The following CCDC102B variants were observed in gnomAD, a reference collection of about 807,000 sequenced individuals.
CCDC102B encodes coiled-coil domain containing 102B.
A neutral mutation model predicts 57.4 loss-of-function variants in CCDC102B; 75 were observed. The ratio of observed to expected loss-of-function variants is 1.31; its 90% CI spans 1.08 to 1.58. The LOEUF (loss-of-function observed/expected upper bound fraction) is 1.58. Ranked by LOEUF, CCDC102B falls within the 40% of genes most tolerant of loss-of-function variation. CCDC102B has a pLI of 0.00. For missense variants in CCDC102B, 636 were observed against 582.6 expected, an observed-to-expected ratio of 1.09 and a Z score of -0.94; for synonymous variants, 206 against 201.9, an observed-to-expected ratio of 1.02 and a Z score of -0.17.
At chr18:68,937,967 A>G (rs1187747474) in intron 6 of CCDC102B, among the ~76,000 whole-genome samples, 20 of 152,080 alleles carry the variant, frequency 1.3e-4, no homozygotes, top group Admixed American at 8.5e-4. Flanking sequence ...ATAGTATTCC[A>G]TGGTATATAT....
chr18:68,913,260 C>G (rs1015966694), intron 6 of CCDC102B, among the ~76,000 whole-genome samples: 1 of 150,276 alleles, frequency 6.7e-6, no homozygotes, highest in Non-Finnish European at 1.5e-5. Flanking sequence ...AGAATCATCT[C>G]TTTGCTTTTT....
chr18:68,952,446 A>T (rs1379230959), intron 6 of CCDC102B, among the ~76,000 whole-genome samples: 2 of 152,138 alleles, frequency 1.3e-5, no homozygotes, highest in African/African-American at 4.8e-5. Context: ...ATTGGCAAGA[A>T]TGAGAAGAAA....
At chr18:68,760,243 A>G (rs1383831240) in intron 2 of CCDC102B, among the ~76,000 whole-genome samples, 1 of 152,118 alleles carries the variant, frequency 6.6e-6, no homozygotes, top group African/African-American at 2.4e-5. Flanking sequence ...GGCACAAATT[A>G]AAGTAAAAAT....
Position 68,836,882 on chromosome 18 carries a change from G to A in CCDC102B, c.119G>A (p.Cys40Tyr), listed in dbSNP as rs200430842. Residue 40 changes from cysteine (C) to tyrosine (Y), a missense_variant, in exon 2 of 8, where the codon TGT (cysteine) becomes TAT (tyrosine). Coordinates refer to ENST00000360242, the MANE Select transcript of CCDC102B (RefSeq NM_024781.3). ...VAPASPPRDT[C>Y]NTCFPLHGLQ... ...CCTGCCTCACCCCCCAGGGATACCT[G>A]TAATACCTGCTTCCCACTTCATGGG... 40 of 1,614,136 alleles carry A rather than the reference G, an allele frequency of 2.5e-5. No homozygotes were observed. In the East Asian group the frequency reaches 4.2e-4, roughly 17 times the overall value.
intron 6 of CCDC102B, among the ~76,000 whole-genome samples, chr18:68,917,133 G>T (rs1047191484): frequency 2.6e-5 from 4 of 152,106 alleles, no homozygotes; most frequent in African/African-American, 9.7e-5. Context: ...GTTAACGTTT[G>T]TATCTTTCTG....
intron 6 of CCDC102B, among the ~76,000 whole-genome samples, chr18:68,995,328 T>C (rs989246383): frequency 6.6e-6 from 1 of 152,150 alleles, no homozygotes; most frequent in African/African-American, 2.4e-5. Context: ...GAGCTGAATG[T>C]TAATTGCCAA....
chr18:69,014,271 A>C lies in CCDC102B; in HGVS notation c.1434+3167A>C, dbSNP rs138063872. ...TTTGTTCCTCCAAACTTCCATGAGA[A>C]TGAAGCCAGCTGAGCATGCTCTCAA... is the stretch of plus-strand genomic sequence containing the variant. On this transcript the variant is annotated intron_variant, in intron 7 of 7. Transcript: ENST00000360242. Among the ~76,000 whole-genome samples the C allele has an allele frequency of 4.6e-3, 704 of 152,342 alleles. 5 individuals carry two copies. Among genetic ancestry groups the C allele is most frequent in the African/African-American group, 0.015 (644 of 41,588 alleles).
intron 5 of CCDC102B, among the ~76,000 whole-genome samples, chr18:68,875,300 G>T (rs184221960): frequency 5.9e-5 from 9 of 152,252 alleles, no homozygotes; most frequent in Admixed American, 1.3e-4. Flanking sequence ...TTTCGCAAAT[G>T]TGTAAACACT....
chr18:68,876,444 T>G (rs1426394847), intron 5 of CCDC102B, among the ~76,000 whole-genome samples: 1 of 152,178 alleles, frequency 6.6e-6, no homozygotes, highest in Admixed American at 6.5e-5. Context: ...GATATTTTAT[T>G]TACTGACATA....
At chr18:68,965,436 C>G (rs967119077) in intron 6 of CCDC102B, among the ~76,000 whole-genome samples, 3 of 151,030 alleles carry the variant, frequency 2.0e-5, no homozygotes, top group Non-Finnish European at 4.4e-5. Flanking sequence ...TTGAGACTTT[C>G]TATTTTTTTC....
chr18:68,958,529 C>T (rs1272283309), intron 6 of CCDC102B, among the ~76,000 whole-genome samples: 1 of 152,112 alleles, frequency 6.6e-6, no homozygotes, highest in African/African-American at 2.4e-5. Context: ...TTGCATCAAT[C>T]ATCATCAGAG....
chr18:68,838,421 T>G, intron 2 of CCDC102B: 1 of 985,364 alleles, frequency 1.0e-6, no homozygotes, highest in Non-Finnish European at 1.2e-6. Context: ...TGTTCAAGTT[T>G]GTGCAGAGTT....
intron 2 of CCDC102B, among the ~76,000 whole-genome samples, chr18:68,774,516 T>C (rs970009569): frequency 3.3e-5 from 5 of 152,146 alleles, no homozygotes; most frequent in Non-Finnish European, 7.4e-5. Flanking sequence ...TTATCTGTAA[T>C]ATACACACAA....
At chr18:68,977,493 A>G (rs1403944553) in intron 6 of CCDC102B, among the ~76,000 whole-genome samples, 1 of 151,564 alleles carries the variant, frequency 6.6e-6, no homozygotes, top group Non-Finnish European at 1.5e-5. Flanking sequence ...CTCTATATTC[A>G]TAATATTTGA....
chr18:68,949,251 A>G (rs914931318), intron 6 of CCDC102B, among the ~76,000 whole-genome samples: 1 of 152,118 alleles, frequency 6.6e-6, no homozygotes, highest in African/African-American at 2.4e-5. Context: ...GTATCCTTCA[A>G]TCCAATCAAG....
chr18:68,733,501 TATA>T (rs1372950015), intron 2 of CCDC102B, among the ~76,000 whole-genome samples: 5 of 82,158 alleles, frequency 6.1e-5, no homozygotes, highest in African/African-American at 3.8e-4. Context: ...TATATATATA[TATA>T]TATTTTTTTA....
At chr18:68,960,641 A>C (rs2050023022) in intron 6 of CCDC102B, among the ~76,000 whole-genome samples, 1 of 152,170 alleles carries the variant, frequency 6.6e-6, no homozygotes, top group Non-Finnish European at 1.5e-5. Context: ...CAAACCTGAG[A>C]GCATTATAGT....
chr18:68,746,115 T>C (rs2033609345), intron 2 of CCDC102B, among the ~76,000 whole-genome samples: 1 of 152,208 alleles, frequency 6.6e-6, no homozygotes, highest in Admixed American at 6.6e-5. Flanking sequence ...AAAAAACATA[T>C]GCAACGCATG....
intron 7 of CCDC102B, among the ~76,000 whole-genome samples, chr18:69,041,165 A>T (rs1243448995): frequency 6.6e-6 from 1 of 152,122 alleles, no homozygotes; most frequent in Non-Finnish European, 1.5e-5. Context: ...AGTGTATTTT[A>T]TCTCTTATTA....
Sources: gnomAD v4.1 joint callset for allele counts (sites outside exome capture counted in the v4.1 genomes callset) on GRCh38, gnomAD v4.1.1 for gene constraint, MANE v1.5 for transcripts, NCBI Gene and HGNC (gene_info 2026-07-23, HGNC 2026-07-21) for gene names.